Variants in ARK2C observed in about 807,000 individuals in gnomAD.
ARK2C encodes arkadia (RNF111) C-terminal like ring finger ubiquitin ligase 2C, also known as E3 ubiquitin-protein ligase ARK2C.
chr18:46,418,204 A>T, the ARK2C span, among the ~76,000 whole-genome samples: 1 of 152,022 alleles, frequency 6.6e-6, no homozygotes, highest in Admixed American at 6.5e-5. Flanking sequence ...AAAAAATAAA[A>T]AAATTAGCTT....
chr18:46,438,721 T>A, the ARK2C span, among the ~76,000 whole-genome samples: 1 of 152,308 alleles, frequency 6.6e-6, no homozygotes, highest in East Asian at 1.9e-4. Flanking sequence ...GCTGACCTAG[T>A]GGATTTCTAA....
At chr18:46,391,401 G>C in the ARK2C span, among the ~76,000 whole-genome samples, 2 of 152,048 alleles carry the variant, frequency 1.3e-5, no homozygotes, top group Admixed American at 6.6e-5. Flanking sequence ...GGCCTAGTAC[G>C]GGGCTGGGCT....
At chr18:46,437,552 C>G in the ARK2C span, among the ~76,000 whole-genome samples, 1 of 151,738 alleles carries the variant, frequency 6.6e-6, no homozygotes, top group Non-Finnish European at 1.5e-5. Flanking sequence ...ATGTCCAGCC[C>G]AAGGTCGTCC....
chr18:46,358,618 G>A, the ARK2C span, among the ~76,000 whole-genome samples: 1 of 152,134 alleles, frequency 6.6e-6, no homozygotes, highest in Non-Finnish European at 1.5e-5. Flanking sequence ...GAAAGGAGGG[G>A]TGACTGTCAC....
the ARK2C span, among the ~76,000 whole-genome samples, chr18:46,454,652 G>A: frequency 2.0e-5 from 3 of 152,190 alleles, no homozygotes. Context: ...GGGAGACTTG[G>A]CATCCGGGCC....
At chr18:46,377,353 G>A in the ARK2C span, among the ~76,000 whole-genome samples, 1 of 152,136 alleles carries the variant, frequency 6.6e-6, no homozygotes, top group Non-Finnish European at 1.5e-5. Flanking sequence ...GCCAGGAATT[G>A]GTCTAGACAC....
the ARK2C span, chr18:46,447,617 C>T: frequency 5.6e-6 from 9 of 1,614,070 alleles, no homozygotes; most frequent in Non-Finnish European, 7.6e-6. Flanking sequence ...TGCGGCCCAT[C>T]CCTCAGCACT....
the ARK2C span, among the ~76,000 whole-genome samples, chr18:46,392,796 G>A: frequency 2.3e-4 from 35 of 152,172 alleles, no homozygotes; most frequent in African/African-American, 7.2e-5. Flanking sequence ...TGAGGAACAC[G>A]CATGCAGTGG....
the ARK2C span, among the ~76,000 whole-genome samples, chr18:46,405,139 G>T: frequency 6.6e-6 from 1 of 152,162 alleles, no homozygotes; most frequent in Non-Finnish European, 1.5e-5. Flanking sequence ...CATGTCTATG[G>T]TGTACAGTGT....
At chr18:46,378,468 CT>C in the ARK2C span, among the ~76,000 whole-genome samples, 1 of 152,270 alleles carries the variant, frequency 6.6e-6, no homozygotes, top group Non-Finnish European at 1.5e-5. Flanking sequence ...AAGTGATGGG[CT>C]TTTGCACCGC....
chr18:46,446,606 G>A, the ARK2C span, among the ~76,000 whole-genome samples: 13 of 148,812 alleles, frequency 8.7e-5, no homozygotes, highest in African/African-American at 3.0e-4. Flanking sequence ...AGAAGATGGA[G>A]GTTGCAGTGA....
chr18:46,383,748 G>A, the ARK2C span, among the ~76,000 whole-genome samples: 2 of 151,420 alleles, frequency 1.3e-5, no homozygotes, highest in Non-Finnish European at 2.9e-5. Context: ...TACAGACGGG[G>A]TTTCACCGTG....
the ARK2C span, among the ~76,000 whole-genome samples, chr18:46,360,299 G>A: frequency 6.6e-6 from 1 of 152,272 alleles, no homozygotes; most frequent in African/African-American, 2.4e-5. Context: ...GGGGTATCAT[G>A]TGTTTGTGGC....
the ARK2C span, chr18:46,337,090 G>A: frequency 3.1e-5 from 31 of 985,332 alleles, no homozygotes; most frequent in Non-Finnish European, 3.6e-5. Flanking sequence ...TCGCCAGCCA[G>A]ACCTGCTTGA....
chr18:46,422,218 C>T, the ARK2C span, among the ~76,000 whole-genome samples: 2 of 152,184 alleles, frequency 1.3e-5, no homozygotes, highest in Non-Finnish European at 1.5e-5. Flanking sequence ...ATGTAGTGTA[C>T]CCCAGACTCT....
chr18:46,424,045 G>A, the ARK2C span, among the ~76,000 whole-genome samples: 64 of 152,198 alleles, frequency 4.2e-4, no homozygotes, highest in African/African-American at 1.4e-3. Context: ...TACCTCCTCC[G>A]AAAACACTCA....
At chr18:46,371,992 G>C in the ARK2C span, among the ~76,000 whole-genome samples, 22 of 152,290 alleles carry the variant, frequency 1.4e-4, no homozygotes, top group East Asian at 1.7e-3. Context: ...TGTCACTTCC[G>C]AGAGCTGACT....
the ARK2C span, chr18:46,337,104 C>T: frequency 1.0e-6 from 1 of 985,392 alleles, no homozygotes; most frequent in Non-Finnish European, 1.2e-6. Context: ...TGCTTGAAAA[C>T]TGAAACAAAA....
the ARK2C span, chr18:46,435,378 T>C: frequency 6.2e-7 from 1 of 1,613,630 alleles, no homozygotes; most frequent in African/African-American, 1.3e-5. Flanking sequence ...CCCAGGTATT[T>C]GGCTGAGGGC....
Sources: allele counts gnomAD v4.1 joint callset (sites outside exome capture counted in the v4.1 genomes callset), GRCh38; gene constraint gnomAD v4.1.1; transcripts MANE v1.5; gene names NCBI Gene and HGNC (gene_info 2026-07-23, HGNC 2026-07-21).